MTHFD2L: variants seen among roughly 807,000 people sequenced by gnomAD.
MTHFD2L encodes bifunctional methylenetetrahydrofolate dehydrogenase/cyclohydrolase 2, mitochondrial.
A neutral mutation model predicts 34.9 loss-of-function variants in MTHFD2L; 29 were observed. The ratio of observed to expected loss-of-function variants is 0.83; its 90% CI spans 0.62 to 1.13. The LOEUF (loss-of-function observed/expected upper bound fraction) is 1.13, where lower values mean the gene tolerates loss of function less well. Ranked by LOEUF, MTHFD2L falls within the 50% of genes most tolerant of loss-of-function variation. MTHFD2L has a pLI of 0.00. For synonymous variants in MTHFD2L, 167 were observed against 155.7 expected, an observed-to-expected ratio of 1.07 and a Z score of -0.54; for missense variants, 481 against 446.5, an observed-to-expected ratio of 1.08 and a Z score of -0.70.
At chr4:74,252,210 G>A (rs1743413061) in intron 6 of MTHFD2L, among the ~76,000 whole-genome samples, 1 of 152,244 alleles carries the variant, frequency 6.6e-6, no homozygotes, top group South Asian at 2.1e-4. Flanking sequence ...CTAAAGCTAA[G>A]CAAGAACAAG....
intron 6 of MTHFD2L, among the ~76,000 whole-genome samples, chr4:74,263,394 T>G (rs1438824422): frequency 6.6e-6 from 1 of 151,990 alleles, no homozygotes; most frequent in African/African-American, 2.4e-5. Context: ...ATCTATAAAT[T>G]GAATCTATAA....
chr4:74,168,401 T>G (rs889434203), intron 1 of MTHFD2L, among the ~76,000 whole-genome samples: 10 of 152,234 alleles, frequency 6.6e-5, no homozygotes, highest in Non-Finnish European at 1.5e-4. Context: ...ACATGACTCA[T>G]TTCATTCATT....
chr4:74,250,822 A>G (rs962241651), intron 6 of MTHFD2L, among the ~76,000 whole-genome samples: 1 of 152,148 alleles, frequency 6.6e-6, no homozygotes, highest in Non-Finnish European at 1.5e-5. Flanking sequence ...AGGTTCTATT[A>G]TTCTTGCCAA....
At chr4:74,237,550 G>A (rs1741027212) in intron 6 of MTHFD2L, among the ~76,000 whole-genome samples, 1 of 152,152 alleles carries the variant, frequency 6.6e-6, no homozygotes, top group Non-Finnish European at 1.5e-5. Context: ...TTTAGAGGCT[G>A]TGGCAGTGAG....
chr4:74,158,352 C>T, intron 1 of MTHFD2L, 71 bp downstream of exon 1: 1 of 1,114,076 alleles, frequency 9.0e-7, no homozygotes, highest in Non-Finnish European at 1.1e-6. Flanking sequence ...GGGCGGCGCT[C>T]GCGCGCGTGG....
intron 1 of MTHFD2L, among the ~76,000 whole-genome samples, chr4:74,149,872 T>C (rs1043164644): frequency 7.2e-5 from 11 of 152,226 alleles, no homozygotes; most frequent in African/African-American, 2.7e-4. Flanking sequence ...TGGCAAATGG[T>C]ACTATTACAG....
At chr4:74,224,573 CT>C (rs1317337515) in intron 5 of MTHFD2L, among the ~76,000 whole-genome samples, 1 of 152,056 alleles carries the variant, frequency 6.6e-6, no homozygotes, top group Non-Finnish European at 1.5e-5. Flanking sequence ...TTATCACCAA[CT>C]TTCCCTCACT....
intron 1 of MTHFD2L, among the ~76,000 whole-genome samples, chr4:74,173,859 G>A (rs1377113792): frequency 3.3e-5 from 5 of 152,156 alleles, no homozygotes; most frequent in African/African-American, 1.2e-4. Flanking sequence ...ATGCATATGT[G>A]TATATAATAT....
chr4:74,238,969 G>A (rs968779137), intron 6 of MTHFD2L, among the ~76,000 whole-genome samples: 1 of 152,186 alleles, frequency 6.6e-6, no homozygotes, highest in Non-Finnish European at 1.5e-5. Flanking sequence ...ATTTGACCCA[G>A]CGATCCCATT....
chr4:74,136,061 G>T (rs495740), intron 1 of MTHFD2L, among the ~76,000 whole-genome samples: 150,651 of 152,176 alleles, frequency 0.99, 74,594 homozygotes, highest in East Asian at 1. Flanking sequence ...TCCTCTAAAG[G>T]CTAGACCAAG....
At chr4:74,183,833 A>G (rs1730647652) in intron 3 of MTHFD2L, 1 of 151,764 alleles carries the variant, frequency 6.6e-6, no homozygotes, top group Non-Finnish European at 1.5e-5. Flanking sequence ...TATTATTCAG[A>G]TTATTTTAGA....
intron 1 of MTHFD2L, among the ~76,000 whole-genome samples, chr4:74,173,990 A>T (rs539662): frequency 1 from 152,224 of 152,300 alleles, 76,074 homozygotes; most frequent in Non-Finnish European, 1. Context: ...AAAACAAATG[A>T]ATTTCTTATA....
At chr4:74,244,202 A>G (rs1057243972) in intron 6 of MTHFD2L, among the ~76,000 whole-genome samples, 1 of 152,170 alleles carries the variant, frequency 6.6e-6, no homozygotes, top group Non-Finnish European at 1.5e-5. Context: ...TATTTGTTAC[A>G]TTCATCACCA....
intron 1 of MTHFD2L, among the ~76,000 whole-genome samples, chr4:74,144,573 G>A (rs971687951): frequency 6.6e-6 from 1 of 152,102 alleles, no homozygotes; most frequent in African/African-American, 2.4e-5. Context: ...CTTGTGCTTG[G>A]CATTCATTGA....
At chr4:74,166,390 G>C (rs925110836) in intron 1 of MTHFD2L, among the ~76,000 whole-genome samples, 18 of 152,128 alleles carry the variant, frequency 1.2e-4, no homozygotes, top group Admixed American at 1.2e-3. Flanking sequence ...ATGTGTCTCT[G>C]TGTCTTCTCT....
intron 6 of MTHFD2L, among the ~76,000 whole-genome samples, chr4:74,256,817 C>G (rs1032653687): frequency 6.6e-6 from 1 of 152,014 alleles, no homozygotes; most frequent in African/African-American, 2.4e-5. Flanking sequence ...GTTTTTGTAC[C>G]AGCATCATGC....
At chr4:74,232,530 C>T (rs1488768538) in intron 6 of MTHFD2L, among the ~76,000 whole-genome samples, 2 of 152,104 alleles carry the variant, frequency 1.3e-5, no homozygotes, top group African/African-American at 4.8e-5. Context: ...CAAAGCTTCC[C>T]TGGCCTGCAG....
At chr4:74,236,351 C>A (rs1277175525) in intron 6 of MTHFD2L, among the ~76,000 whole-genome samples, 2 of 152,096 alleles carry the variant, frequency 1.3e-5, no homozygotes, top group Non-Finnish European at 2.9e-5. Flanking sequence ...TTTTTGATTT[C>A]TAAACTAGAT....
intron 6 of MTHFD2L, among the ~76,000 whole-genome samples, chr4:74,243,642 G>A (rs1427281375): frequency 6.6e-6 from 1 of 151,728 alleles, no homozygotes; most frequent in African/African-American, 2.4e-5. Context: ...TTCTCTGCAT[G>A]TTTTTCATGT....
Sources: allele counts gnomAD v4.1 joint callset (sites outside exome capture counted in the v4.1 genomes callset), GRCh38; gene constraint gnomAD v4.1.1; transcripts MANE v1.5; gene names NCBI Gene and HGNC (gene_info 2026-07-23, HGNC 2026-07-21).